Variants in ZSCAN25 observed in about 807,000 individuals in gnomAD.
ZSCAN25 encodes the protein zinc finger and SCAN domain-containing protein 25.
In ZSCAN25, 27 loss-of-function variants were observed where a neutral mutation model predicts 38.7. The ratio of observed to expected loss-of-function variants is 0.70; its 90% CI spans 0.51 to 0.96. The LOEUF is 0.96. ZSCAN25 is among the 40% of genes least tolerant of loss of function. The pLI is 0.00. For synonymous variants in ZSCAN25, 273 were observed against 277.7 expected, an observed-to-expected ratio of 0.98 and a Z score of 0.17; for missense variants, 637 against 705.9, an observed-to-expected ratio of 0.90 and a Z score of 1.11.
At chr7:99,644,183 C>T in the ZSCAN25 span, among the ~76,000 whole-genome samples, 1 of 152,056 alleles carries the variant, frequency 6.6e-6, no homozygotes, top group Non-Finnish European at 1.5e-5. Flanking sequence ...TGTTTTACAC[C>T]AGGTGCTGTG....
the ZSCAN25 span, among the ~76,000 whole-genome samples, chr7:99,723,487 A>G: frequency 6.6e-5 from 10 of 152,078 alleles, no homozygotes; most frequent in South Asian, 2.1e-3. Flanking sequence ...TCCTTTTCGG[A>G]CTCAGTCAGC....
rs1344510264 is a variant in ZSCAN25 at position 99,627,765 on chromosome 7, C to T, written c.806-1426C>T. Among the ~76,000 whole-genome samples the T allele has an allele frequency of 4.7e-5, 7 of 149,796 alleles. 1 individual carries two copies. The South Asian group carries it at 6.3e-4, about 14-fold the overall frequency. ...ATACGTATATCGTATATGCTGTATA[C>T]GTATATCTCGTATATGCTGTATATG... On this transcript the variant is annotated intron_variant, in intron 7 of 7. Coordinates refer to ENST00000394152, the MANE Select transcript of ZSCAN25 (RefSeq NM_145115.3).
the ZSCAN25 span, chr7:99,671,679 T>C: frequency 1.6e-6 from 1 of 608,698 alleles, no homozygotes; most frequent in East Asian, 2.8e-5. Flanking sequence ...AGCAAAGGAT[T>C]TTCAGACTTA....
the ZSCAN25 span, chr7:99,676,498 G>A: frequency 8.6e-6 from 12 of 1,391,354 alleles, no homozygotes; most frequent in African/African-American, 1.4e-5. Flanking sequence ...AGAGGTTCAG[G>A]CAGGAATTCT....
the ZSCAN25 span, among the ~76,000 whole-genome samples, chr7:99,646,837 C>CACACAT: frequency 5.4e-5 from 8 of 148,710 alleles, no homozygotes; most frequent in South Asian, 1.5e-3. Context: ...CACACACACA[C>CACACAT]ATGCATGCTC....
chr7:99,703,843 C>T, the ZSCAN25 span, among the ~76,000 whole-genome samples: 1 of 151,896 alleles, frequency 6.6e-6, no homozygotes, highest in Non-Finnish European at 1.5e-5. Context: ...TCTCTATGAA[C>T]CCCTTCTCTG....
the ZSCAN25 span, among the ~76,000 whole-genome samples, chr7:99,728,989 T>C: frequency 6.6e-6 from 1 of 152,316 alleles, no homozygotes; most frequent in East Asian, 1.9e-4. Context: ...TCTATATTTT[T>C]AAATGAAGAA....
chr7:99,628,839 A>G (rs1170921600), intron 7 of ZSCAN25, among the ~76,000 whole-genome samples: 1 of 152,244 alleles, frequency 6.6e-6, no homozygotes, highest in East Asian at 1.9e-4. Context: ...ACATGTAAAT[A>G]GGTACAGAAT....
chr7:99,622,524 T>C (rs1807068923), intron 5 of ZSCAN25, 25 bp from the exon 6 acceptor site: 6 of 1,611,062 alleles, frequency 3.7e-6, no homozygotes, highest in Non-Finnish European at 5.1e-6. Context: ...TTCTGATCTT[T>C]CTCATGCTTT....
the ZSCAN25 span, chr7:99,674,490 C>A: frequency 6.5e-7 from 1 of 1,529,254 alleles, no homozygotes. Flanking sequence ...GTAACCTCCT[C>A]ACAGTAGCAG....
chr7:99,721,684 C>T, the ZSCAN25 span, among the ~76,000 whole-genome samples: 1 of 152,106 alleles, frequency 6.6e-6, no homozygotes, highest in Non-Finnish European at 1.5e-5. Context: ...TAGGACAAAT[C>T]TCAAAAAGTT....
chr7:99,622,216 C>T (rs546149710), intron 5 of ZSCAN25: 4 of 308,774 alleles, frequency 1.3e-5, no homozygotes, highest in East Asian at 1.0e-4. Context: ...TGAGCCACCG[C>T]GCCCAGCCCA....
At chr7:99,730,706 CT>C in the ZSCAN25 span, 5 of 253,388 alleles carry the variant, frequency 2.0e-5, no homozygotes, top group African/African-American at 8.9e-5. Context: ...TCAGGGGCTC[CT>C]GTTCCTACTT....
the ZSCAN25 span, chr7:99,735,150 T>C: frequency 6.2e-7 from 1 of 1,608,962 alleles, no homozygotes. Flanking sequence ...AGCGTGCTGC[T>C]GTTTGCTGGG....
the ZSCAN25 span, among the ~76,000 whole-genome samples, chr7:99,666,308 A>AATC: frequency 6.6e-6 from 1 of 152,144 alleles, no homozygotes. Flanking sequence ...ACTTTGATAC[A>AATC]ATCATGTTTT....
chr7:99,638,370 T>C, the ZSCAN25 span: 1 of 1,599,850 alleles, frequency 6.3e-7, no homozygotes, highest in Non-Finnish European at 8.6e-7. Context: ...CTGGATCTTG[T>C]GGGGTTTCAT....
chr7:99,625,659 G>T (rs1440691253), intron 7 of ZSCAN25, among the ~76,000 whole-genome samples: 2 of 152,302 alleles, frequency 1.3e-5, no homozygotes, highest in African/African-American at 2.4e-5. Context: ...CAGTGTCCTG[G>T]TGCCAGGGTC....
chr7:99,637,759 AAGAC>A, the ZSCAN25 span, among the ~76,000 whole-genome samples: 1 of 152,240 alleles, frequency 6.6e-6, no homozygotes, highest in African/African-American at 2.4e-5. Flanking sequence ...TTAAATATAA[AAGAC>A]AAATGACAGT....
In ZSCAN25 at chr7:99,632,008, G is replaced by C. The variant is rs1053180622; in HGVS notation, c.*1988G>C. On this transcript the variant is annotated 3_prime_UTR_variant, in exon 8 of 8. Transcript: ENST00000394152. Reference sequence around the variant, plus strand: ...CCAGAGGGTGGTTTTCCAAAGGCAGGTGGGGACTGGGGAGGCCTCGGGGGG... The same window carrying C: ...CCAGAGGGTGGTTTTCCAAAGGCAGCTGGGGACTGGGGAGGCCTCGGGGGG... The C allele has an allele frequency of 8.1e-6, 8 of 985,394 alleles. No homozygotes were observed. The Admixed American group carries it at 4.3e-4, about 53-fold the overall frequency. 61.0% of individuals were successfully genotyped at this position (985,394 alleles called of 1,614,324 possible). A position where few individuals can be genotyped will look rare whatever the true frequency, so the allele number is the denominator to read the frequency against.
Sources: gnomAD v4.1 joint callset for allele counts (sites outside exome capture counted in the v4.1 genomes callset) on GRCh38, gnomAD v4.1.1 for gene constraint, MANE v1.5 for transcripts, NCBI Gene and HGNC (gene_info 2026-07-23, HGNC 2026-07-21) for gene names.